The following BAG6 variants were observed in gnomAD, a reference collection of about 807,000 sequenced individuals.
The protein encoded by BAG6 is large proline-rich protein BAG6.
Under a neutral mutation model 121.0 loss-of-function variants are expected in BAG6, and 22 were observed. The observed-to-expected ratio is 0.18, with a 90% CI of 0.13 to 0.26. BAG6 has a LOEUF of 0.26. BAG6 is among the 10% of genes least tolerant of loss of function. The probability of loss-of-function intolerance (pLI) is 1.00; values close to 1 mark genes in which losing one functional copy is unlikely to be tolerated. For missense variants in BAG6, 1,233 were observed against 1,537.7 expected (o/e 0.80, Z 3.31); for synonymous variants, 583 against 584.6 (o/e 1.00, Z 0.04).
At chr6:31,647,894 A>G (rs751260943) in intron 6 of BAG6, 68 bp from the exon 7 acceptor site, 2 of 1,457,744 alleles carry the variant, frequency 1.4e-6, no homozygotes, top group Non-Finnish European at 1.8e-6. Flanking sequence ...ACTCTACAGG[A>G]GACTGAACAG....
At chr6:31,639,332 ACACTGTCAAATAGCCCGGGGTGG>A (rs1369420296) in intron 25 of BAG6, 106 bp from the exon 26 acceptor site, 6 of 1,440,454 alleles carry the variant, frequency 4.2e-6, no homozygotes, top group African/African-American at 1.4e-5. Flanking sequence ...CCCCCCAAGC[ACACTGTCAAATAGCCCGGGGTGG>A]CACTGTCAAG....
At position 31,640,849 on chromosome 6, in the gene BAG6, C is replaced by G. The variant is rs1250983542; in HGVS notation, c.2877G>C (p.Met959Ile). The G allele has an allele frequency of 6.2e-7, 1 of 1,612,592 alleles. No homozygotes were observed. The highest frequency in any genetic ancestry group is 8.5e-7 in the Non-Finnish European group (1 of 1,180,048). ...GLRLQVVLEHMPVGPDAILRY... is the reference protein window; with the variant it reads ...GLRLQVVLEHIPVGPDAILRY... ...TGAGAATGGCATCAGGGCCTACAGGCATGTGCTCCAGTACCACCTGAAGCC... is the reference window on the plus strand; with the variant it reads ...TGAGAATGGCATCAGGGCCTACAGGGATGTGCTCCAGTACCACCTGAAGCC... Residue 959 changes from methionine to isoleucine, a missense_variant, in exon 21 of 26, where the codon ATG (methionine) becomes ATC (isoleucine). By Grantham distance (10) the Met-to-Ile change is conservative. This residue lies in a region of BAG6 where 288 missense variants were observed against 483.1 expected (regional missense o/e 0.60). Transcript: ENST00000676615. The surrounding 1 kb of genome is among the most constrained non-coding windows in gnomAD (Gnocchi z 4.2).
At position 31,640,980 on chromosome 6, in the gene BAG6, C is replaced by T. The variant is rs1322335274; in HGVS notation, c.2788-42G>A. On this transcript the variant is annotated intron_variant, in intron 20 of 25. Coordinates refer to ENST00000676615, the MANE Select transcript of BAG6 (RefSeq NM_001387994.1). The surrounding 1 kb of genome is among the most constrained non-coding windows in gnomAD (Gnocchi z 4.2). ...AGATTTAGAACACAAAACCCTCAAC[C>T]ACCTTTAGAAATAGATTAGATCCAG... is the stretch of plus-strand genomic sequence containing the variant. 6.2e-7 allele frequency: 1 copy of T among 1,604,702 alleles called. No homozygotes were observed. The highest frequency in any genetic ancestry group is 1.3e-5 in the African/African-American group (1 of 74,462).
At position 31,652,538 on chromosome 6, in the gene BAG6, C is replaced by G. The variant is rs919055283; in HGVS notation, c.-128G>C. The stretch of plus-strand genomic sequence containing the variant: ...TTTTGTGGGGCACGACGAGAAAGTC[C>G]GCAGCCCCAAACAGTGAGTTTCTGA... On this transcript the variant is annotated 5_prime_UTR_variant, in exon 1 of 26. Coordinates refer to ENST00000676615, the MANE Select transcript of BAG6 (RefSeq NM_001387994.1). The G allele has an allele frequency of 2.6e-5, 4 of 152,254 alleles. No individual in the cohort carries two copies. Among genetic ancestry groups the G allele is most frequent in the Admixed American group, 1.3e-4 (2 of 15,282 alleles). 9.4% of individuals were successfully genotyped at this position (152,254 alleles called of 1,614,324 possible).
rs370684209 is a variant in BAG6 at position 31,646,550 on chromosome 6, G to C, written c.789-27C>G. 300 of 1,608,068 alleles carry C rather than the reference G, an allele frequency of 1.9e-4. 2 individuals are homozygous for C. In the African/African-American group the frequency reaches 3.8e-3, roughly 20 times the overall value. On this transcript the variant is annotated intron_variant, in intron 7 of 25. Coordinates refer to ENST00000676615, the MANE Select transcript of BAG6 (RefSeq NM_001387994.1). The stretch of plus-strand genomic sequence containing the variant: ...TGTGGACAAACCCAAGGGGCAATGA[G>C]CCAAAGCCTTCCTCAGATTCCCACC...
At position 31,645,462 on chromosome 6, in the gene BAG6, G is replaced by A. The variant is rs149498699; in HGVS notation, c.1061C>T (p.Pro354Leu). The change falls in exon 9 of 26, where the codon CCT (proline) becomes CTT (leucine). Residue 354 changes from proline to leucine, a missense_variant. Around this residue, in one of 7 missense-constraint regions of BAG6, gnomAD observed 777 missense variants for 861.4 expected, o/e 0.90. Coordinates refer to ENST00000676615, the MANE Select transcript of BAG6 (RefSeq NM_001387994.1). ...TPPRHLHVVR[P>L]MSHYTTPMVL... Reference sequence around the variant, plus strand: ...CATGGGGGTGGTGTAGTGAGACATAGGCCGGACCACATGCAGGTGTCGTGG... The same window carrying A: ...CATGGGGGTGGTGTAGTGAGACATAAGCCGGACCACATGCAGGTGTCGTGG... 3.3e-5 allele frequency: 54 copies of A among 1,613,074 alleles called. No homozygotes were observed. In the Admixed American group the frequency reaches 4.8e-4, roughly 14 times the overall value.
chr6:31,650,503 A>G (rs1209074069), intron 2 of BAG6, among the ~76,000 whole-genome samples: 10 of 152,044 alleles, frequency 6.6e-5, no homozygotes, highest in Non-Finnish European at 1.3e-4. Flanking sequence ...CTCTACTAAA[A>G]ATACAAAAAT....
At position 31,643,135 on chromosome 6, in the gene BAG6, G is replaced by A; in HGVS notation, c.1757-20C>T. ...CCTGAGCTGTAAGAAACCAAAAAAA[G>A]AAAGCTGGGCTGAGCATGGTGGCTC... On this transcript the variant is annotated intron_variant, in intron 14 of 25. Transcript: ENST00000676615. 1 of 1,540,110 alleles carries A rather than the reference G, an allele frequency of 6.5e-7. No individual in the cohort carries two copies. The highest frequency in any genetic ancestry group is 8.7e-7 in the Non-Finnish European group (1 of 1,153,096).
At position 31,640,716 on chromosome 6, in the gene BAG6, A is replaced by G; in HGVS notation, c.2935-12T>C. On this transcript the variant is annotated splice_polypyrimidine_tract_variant and intron_variant, in intron 21 of 25. Coordinates refer to ENST00000676615, the MANE Select transcript of BAG6 (RefSeq NM_001387994.1). This position sits in a 1 kb window ranked among gnomAD's most constrained non-coding sequence, Gnocchi z 4.2. ...TCCTCAGGAAGTGGCTGTGAAATTAAAGAACACCATACTTCCTCTCAGATC... is the reference window on the plus strand; with the variant it reads ...TCCTCAGGAAGTGGCTGTGAAATTAGAGAACACCATACTTCCTCTCAGATC... 6.2e-7 allele frequency: 1 copy of G among 1,612,982 alleles called. No homozygotes were observed. The highest frequency in any genetic ancestry group is 8.5e-7 in the Non-Finnish European group (1 of 1,179,996).
At position 31,643,791 on chromosome 6, in the gene BAG6, G is replaced by C. The variant is rs546577781; in HGVS notation, c.1756+99C>G. The C allele has an allele frequency of 9.2e-5, 99 of 1,077,730 alleles. 1 individual carries two copies. In the South Asian group the frequency reaches 1.3e-3, roughly 14 times the overall value. The allele number at this position is 1,077,730 out of a possible 1,614,324, so 66.8% of individuals were successfully genotyped here. A position where few individuals can be genotyped will look rare whatever the true frequency, so the allele number is the denominator to read the frequency against. On this transcript the variant is annotated intron_variant, in intron 14 of 25. Transcript: ENST00000676615. ...AGACACTACAGCAGCCCCATTCCAG[G>C]AAAGCAGGAACCAAGAAAATATGGA...
At position 31,644,599 on chromosome 6, in the gene BAG6, G is replaced by A; in HGVS notation, c.1373C>T (p.Ser458Phe). 1 of 1,612,634 alleles carries A rather than the reference G, an allele frequency of 6.2e-7. No individual in the cohort carries two copies. Among genetic ancestry groups the A allele is most frequent in the Non-Finnish European group, 8.5e-7 (1 of 1,179,892 alleles). The change falls in exon 11 of 26, where the codon TCT becomes TTT. Residue 458 changes from serine (S) to phenylalanine (F), a missense_variant. Transcript: ENST00000676615. This position sits in a 1 kb window ranked among gnomAD's most constrained non-coding sequence, Gnocchi z 4.9. ...CGGAACACCACCAGGCTGTGTGCCA[G>A]AATCTGGGCAGGGAGACAGAGACAG... ...VVMMHMNIQDSGTQPGGVPSA... is the reference protein window; with the variant it reads ...VVMMHMNIQDFGTQPGGVPSA...
chr6:31,645,877 G>C (rs1583382035), intron 8 of BAG6, among the ~76,000 whole-genome samples: 1 of 152,356 alleles, frequency 6.6e-6, no homozygotes, highest in South Asian at 2.1e-4. Context: ...GGCACAAGGG[G>C]TACGATACGA....
At chr6:31,649,762 A>G in intron 2 of BAG6, 135 bp from the exon 3 acceptor site, 2 of 744,682 alleles carry the variant, frequency 2.7e-6, no homozygotes, top group East Asian at 4.9e-5. Flanking sequence ...CCGTGAGATC[A>G]TTACTGTGCA....
intron 7 of BAG6, among the ~76,000 whole-genome samples, chr6:31,647,019 C>T (rs1400122603): frequency 3.3e-5 from 5 of 152,038 alleles, no homozygotes; most frequent in African/African-American, 7.2e-5. Context: ...ATGATCCACC[C>T]GCCTCGGCCT....
intron 6 of BAG6, 137 bp from the exon 7 acceptor site, chr6:31,647,963 GCTAGCAA>G: frequency 8.4e-7 from 1 of 1,187,216 alleles, no homozygotes; most frequent in South Asian, 2.3e-5. Context: ...TCTCCGACTC[GCTAGCAA>G]CTAGCATAAG....
At chr6:31,651,624 AG>A (rs1293494003) in intron 2 of BAG6, 31 bp downstream of exon 2, 1 of 1,582,340 alleles carries the variant, frequency 6.3e-7, no homozygotes, top group Non-Finnish European at 8.7e-7. Context: ...GAAAAGCTAA[AG>A]GTGTCTTCCA....
chr6:31,639,938 T>TA (rs1780903127), intron 24 of BAG6: 1 of 613,704 alleles, frequency 1.6e-6, no homozygotes, highest in African/African-American at 1.8e-5. Context: ...AAACCCACCT[T>TA]AAAGGAAAAT....
chr6:31,640,125 T>A lies in BAG6; in HGVS notation c.3246+74A>T. 1 of 1,459,696 alleles carries A rather than the reference T, an allele frequency of 6.9e-7. No homozygotes were observed. The highest frequency in any genetic ancestry group is 9.6e-7 in the Non-Finnish European group (1 of 1,045,292). The allele number at this position is 1,459,696 out of a possible 1,614,324, so 90.4% of individuals were successfully genotyped here. ...CTGAATAACAAGAGCTCCCACCATCTCTACATAGTTTGATTCCAGGCATGA... is the reference window on the plus strand; with the variant it reads ...CTGAATAACAAGAGCTCCCACCATCACTACATAGTTTGATTCCAGGCATGA... On this transcript the variant is annotated intron_variant, in intron 24 of 25. Transcript: ENST00000676615. The surrounding 1 kb of genome is among the most constrained non-coding windows in gnomAD (Gnocchi z 4.2).
At chr6:31,643,182 T>A in intron 14 of BAG6, 67 bp from the exon 15 acceptor site, 2 of 1,488,232 alleles carry the variant, frequency 1.3e-6, no homozygotes, top group East Asian at 2.5e-5. Flanking sequence ...CCTAGCAACT[T>A]TGGGAGGCCA....
Sources: allele counts gnomAD v4.1 joint callset (sites outside exome capture counted in the v4.1 genomes callset), GRCh38; gene constraint gnomAD v4.1.1; regional missense constraint gnomAD v4.1.1; non-coding constraint Gnocchi (gnomAD v3.1); transcripts MANE v1.5; gene names NCBI Gene and HGNC (gene_info 2026-07-23, HGNC 2026-07-21).